Variants in DGKI observed in about 807,000 individuals in gnomAD.
DGKI encodes diacylglycerol kinase iota, also known as DAG kinase iota.
Under a neutral mutation model 147.5 loss-of-function variants are expected in DGKI, and 55 were observed. That is an observed-to-expected ratio of 0.37 (90% confidence interval 0.30 to 0.47). The LOEUF is 0.47. Among genes scored for constraint, DGKI ranks in the 20% least tolerant of loss-of-function variants. The pLI is 1.00. For synonymous variants in DGKI, 469 were observed against 477.1 expected, an observed-to-expected ratio of 0.98 and a Z score of 0.22; for missense variants, 1,007 against 1,323.8, an observed-to-expected ratio of 0.76 and a Z score of 3.71.
intron 20 of DGKI, among the ~76,000 whole-genome samples, chr7:137,533,575 A>G (rs1052650461): frequency 1.7e-4 from 26 of 152,210 alleles, no homozygotes; most frequent in African/African-American, 6.3e-4. Context: ...ACTCAAGAAA[A>G]CATACTTGTT....
intron 1 of DGKI, among the ~76,000 whole-genome samples, chr7:137,778,549 T>C (rs1423242941): frequency 3.3e-5 from 5 of 151,860 alleles, no homozygotes; most frequent in Admixed American, 1.3e-4. Flanking sequence ...GCAAAGTAGC[T>C]AGGTCAGAAC....
At chr7:137,546,490 C>A (rs528061241) in intron 20 of DGKI, among the ~76,000 whole-genome samples, 7 of 152,300 alleles carry the variant, frequency 4.6e-5, no homozygotes, top group African/African-American at 1.7e-4. Context: ...CTTCAACTTC[C>A]TTCAGTTAAA....
rs61367592 is a variant in DGKI, at chr7:137,472,315, TA to T, written c.2374-2697del. On this transcript the variant is annotated intron_variant, in intron 23 of 32. Coordinates refer to ENST00000614521, the MANE Select transcript of DGKI (RefSeq NM_001321708.2). The stretch of plus-strand genomic sequence containing the variant: ...ATGTGTATATTTATGTGTATATACA[TA>T]TAATTATTATATGTATATATACATA... Among the ~76,000 whole-genome samples the T allele has an allele frequency of 1.9e-3, 38 of 19,744 alleles. 1 individual carries two copies. The highest frequency in any genetic ancestry group is 8.8e-3 in the African/African-American group (38 of 4,312). 13.0% of individuals were successfully genotyped at this position (19,744 alleles called of 152,430 possible).
intron 1 of DGKI, among the ~76,000 whole-genome samples, chr7:137,760,443 G>A (rs576200980): frequency 4.6e-5 from 7 of 151,988 alleles, no homozygotes; most frequent in African/African-American, 7.2e-5. Context: ...CTTCCCTCCC[G>A]CCCCATCTTC....
rs573272330 is a variant in DGKI at position 137,627,922 on chromosome 7, A to G, written c.805-4368T>C. On this transcript the variant is annotated intron_variant, in intron 6 of 32. Coordinates refer to ENST00000614521, the MANE Select transcript of DGKI (RefSeq NM_001321708.2). ...CATGAGAAAATGGGAATAATAATAC[A>G]AACCTCTCCTATAACACTAAGTGGT... Among the ~76,000 whole-genome samples the G allele has an allele frequency of 3.9e-5, 6 of 152,330 alleles. No homozygotes were observed. In the South Asian group the frequency reaches 6.2e-4, roughly 16 times the overall value.
chr7:137,544,005 T>C (rs1817786171), intron 20 of DGKI, among the ~76,000 whole-genome samples: 1 of 152,174 alleles, frequency 6.6e-6, no homozygotes. Flanking sequence ...ACATGTAATA[T>C]TCAATATATA....
intron 12 of DGKI, among the ~76,000 whole-genome samples, chr7:137,590,698 GT>G (rs1013605198): frequency 6.6e-6 from 1 of 151,806 alleles, no homozygotes; most frequent in Non-Finnish European, 1.5e-5. Context: ...CTGTGTTGTT[GT>G]TTTTTTTGTC....
At chr7:137,598,021 T>G in intron 11 of DGKI, 114 bp from the exon 12 acceptor site, 1 of 847,750 alleles carries the variant, frequency 1.2e-6, no homozygotes. Context: ...AGAAAATGTG[T>G]AATCATGAGG....
chr7:137,582,912 A>C (rs897858817), intron 14 of DGKI, among the ~76,000 whole-genome samples: 1 of 152,152 alleles, frequency 6.6e-6, no homozygotes, highest in Non-Finnish European at 1.5e-5. Context: ...GTTTCCAGCT[A>C]ATTATCCGGT....
intron 21 of DGKI, among the ~76,000 whole-genome samples, chr7:137,508,114 G>A (rs898099025): frequency 6.6e-6 from 1 of 151,942 alleles, no homozygotes; most frequent in African/African-American, 2.4e-5. Flanking sequence ...TCAAAAGGAT[G>A]GGTAGATACT....
At chr7:137,424,430 G>A (rs1404107499) in intron 28 of DGKI, among the ~76,000 whole-genome samples, 3 of 152,168 alleles carry the variant, frequency 2.0e-5, no homozygotes, top group Non-Finnish European at 4.4e-5. Context: ...AATATGAACA[G>A]CTCCGGTCTA....
intron 26 of DGKI, among the ~76,000 whole-genome samples, 166 bp downstream of exon 26, chr7:137,465,742 G>A (rs531554837): frequency 1.6e-4 from 24 of 152,034 alleles, no homozygotes; most frequent in Non-Finnish European, 2.9e-4. Flanking sequence ...GTTTCTTCAC[G>A]GCCATTCATA....
chr7:137,429,186 T>C (rs917013221), intron 28 of DGKI, among the ~76,000 whole-genome samples: 1 of 152,056 alleles, frequency 6.6e-6, no homozygotes, highest in African/African-American at 2.4e-5. Context: ...AACAGCATGG[T>C]ACTGGTACCA....
At chr7:137,720,742 C>T (rs1301277104) in intron 1 of DGKI, among the ~76,000 whole-genome samples, 2 of 152,036 alleles carry the variant, frequency 1.3e-5, no homozygotes, top group African/African-American at 4.8e-5. Flanking sequence ...AAATTAGTAT[C>T]ACGCTTCCTT....
intron 5 of DGKI, among the ~76,000 whole-genome samples, chr7:137,650,959 G>T (rs1288202964): frequency 2.0e-5 from 3 of 152,204 alleles, no homozygotes; most frequent in African/African-American, 7.2e-5. Flanking sequence ...TAAATGGAAA[G>T]AAAGTTCATG....
intron 2 of DGKI, among the ~76,000 whole-genome samples, chr7:137,688,269 T>C (rs1823491163): frequency 6.6e-6 from 1 of 152,114 alleles, no homozygotes; most frequent in Non-Finnish European, 1.5e-5. Context: ...AAGTAACCAA[T>C]ATAGATTCTA....
intron 2 of DGKI, among the ~76,000 whole-genome samples, chr7:137,679,351 C>T (rs28633970): frequency 0.054 from 8,112 of 151,346 alleles, 667 homozygotes; most frequent in African/African-American, 0.18. Flanking sequence ...TGAGCAACAA[C>T]CCTATTTTCC....
At chr7:137,811,104 T>C (rs1400644542) in intron 1 of DGKI, among the ~76,000 whole-genome samples, 1 of 152,150 alleles carries the variant, frequency 6.6e-6, no homozygotes, top group African/African-American at 2.4e-5. Context: ...GGAGCAATGG[T>C]GTGCTATTGG....
intron 6 of DGKI, among the ~76,000 whole-genome samples, chr7:137,641,735 C>T (rs1349249396): frequency 1.3e-5 from 2 of 152,164 alleles, no homozygotes; most frequent in East Asian, 1.9e-4. Context: ...TTAAAACTGG[C>T]TTCAAGAATT....
Sources: gnomAD v4.1 joint callset for allele counts (sites outside exome capture counted in the v4.1 genomes callset) on GRCh38, gnomAD v4.1.1 for gene constraint, MANE v1.5 for transcripts, NCBI Gene and HGNC (gene_info 2026-07-23, HGNC 2026-07-21) for gene names.